The following PIK3C3 variants were observed in gnomAD, a reference collection of about 807,000 sequenced individuals.
PIK3C3 encodes the protein PI3-kinase type 3.
PIK3C3 carries 95 observed loss-of-function variants against 126.1 expected under a neutral mutation model. The ratio of observed to expected loss-of-function variants is 0.75; its 90% CI spans 0.64 to 0.89. The LOEUF (loss-of-function observed/expected upper bound fraction) is 0.89, where lower values mean the gene tolerates loss of function less well. Ranked by LOEUF, PIK3C3 falls within the 40% of genes least tolerant of loss-of-function variation. The pLI is 0.00. For missense variants in PIK3C3, 829 were observed against 1,063.2 expected (o/e 0.78, Z 3.06); for synonymous variants, 374 against 360.0 (o/e 1.04, Z -0.44).
intron 18 of PIK3C3, 116 bp from the exon 19 acceptor site, chr18:42,040,561 A>G: frequency 2.9e-6 from 2 of 687,862 alleles, no homozygotes; most frequent in South Asian, 2.1e-5. Flanking sequence ...GATCTTTTTA[A>G]GTTGTTCAGA....
intron 20 of PIK3C3, among the ~76,000 whole-genome samples, chr18:42,048,872 T>G (rs890807755): frequency 1.3e-5 from 2 of 152,152 alleles, no homozygotes; most frequent in Non-Finnish European, 2.9e-5. Context: ...ATAAACATAG[T>G]TAAAAAAACA....
chr18:41,981,777 T>G (rs1039083727), intron 4 of PIK3C3, among the ~76,000 whole-genome samples: 1 of 148,182 alleles, frequency 6.7e-6, no homozygotes, highest in African/African-American at 2.5e-5. Context: ...CTGGTCAACA[T>G]GGTGAAACCC....
intron 3 of PIK3C3, among the ~76,000 whole-genome samples, chr18:41,965,199 C>A (rs998295733): frequency 2.0e-5 from 3 of 152,210 alleles, no homozygotes; most frequent in Admixed American, 6.5e-5. Flanking sequence ...AGACATTCCT[C>A]TTGGTTTTTC....
At position 42,013,447 on chromosome 18, in the gene PIK3C3, G is replaced by A. The variant is rs745320401; in HGVS notation, c.1176G>A (p.Leu392=). Reference sequence around the variant, plus strand: ...TACTTTTTTTTGTTTTCCAGGATTTGTTGATGTACCTATTACAATTGGTCC... The same window carrying A: ...TACTTTTTTTTGTTTTCCAGGATTTATTGATGTACCTATTACAATTGGTCC... ...ARLRQADDED[L]LMYLLQLVQA... is the part of the protein sequence containing the mutation. Residue 392 remains leucine, a synonymous_variant, in exon 11 of 25, where the codon TTG becomes TTA. Transcript: ENST00000262039. 1 of 1,518,198 alleles carries A rather than the reference G, an allele frequency of 6.6e-7. No individual in the cohort carries two copies. The highest frequency in any genetic ancestry group is 8.8e-7 in the Non-Finnish European group (1 of 1,137,132). The allele number at this position is 1,518,198 out of a possible 1,614,324, so 94.0% of individuals were successfully genotyped here. A position where few individuals can be genotyped will look rare whatever the true frequency, so the allele number is the denominator to read the frequency against.
chr18:41,973,410 T>C (rs1264331696), intron 4 of PIK3C3, among the ~76,000 whole-genome samples: 1 of 152,100 alleles, frequency 6.6e-6, no homozygotes, highest in East Asian at 1.9e-4. Flanking sequence ...TTGATACTTG[T>C]ATGGTCTTAA....
chr18:41,956,521 TAAAG>T (rs1027602209), intron 1 of PIK3C3, among the ~76,000 whole-genome samples: 24 of 140,776 alleles, frequency 1.7e-4, no homozygotes, highest in East Asian at 6.3e-4. Context: ...ACATTAAAAA[TAAAG>T]AAAAAGCCAA....
intron 1 of PIK3C3, among the ~76,000 whole-genome samples, chr18:41,955,764 A>G (rs1401506402): frequency 6.6e-6 from 1 of 152,104 alleles, no homozygotes; most frequent in Non-Finnish European, 1.5e-5. Flanking sequence ...AATTATGGAG[A>G]GGTAGACACA....
chr18:42,054,588 G>C (rs1040009979), intron 21 of PIK3C3, among the ~76,000 whole-genome samples: 3 of 151,966 alleles, frequency 2.0e-5, no homozygotes, highest in Non-Finnish European at 4.4e-5. Context: ...CTTCTATCCT[G>C]ATTTTCTGTA....
chr18:41,973,994 C>T (rs1373683380), intron 4 of PIK3C3, among the ~76,000 whole-genome samples: 1 of 152,078 alleles, frequency 6.6e-6, no homozygotes, highest in Admixed American at 6.5e-5. Context: ...ATACATAAAT[C>T]TTAATAATAG....
chr18:41,999,221 T>C (rs1332779048), intron 9 of PIK3C3, among the ~76,000 whole-genome samples: 1 of 152,180 alleles, frequency 6.6e-6, no homozygotes, highest in African/African-American at 2.4e-5. Context: ...GTTTATAGCA[T>C]GTAGGAAGTG....
Position 42,013,510 on chromosome 18 carries a change from T to C in PIK3C3, c.1239T>C (p.Asn413=). ...LKYENFDDIK[N]GLEPTKKDSQ... Reference sequence around the variant, plus strand: ...ATGAAAATTTTGATGATATAAAGAATGGATTGGAACCTACCAAGAAGGATA... The same window carrying C: ...ATGAAAATTTTGATGATATAAAGAACGGATTGGAACCTACCAAGAAGGATA... Residue 413 remains asparagine, a synonymous_variant, in exon 11 of 25, where the codon AAT becomes AAC. Transcript: ENST00000262039. 1 of 1,593,540 alleles carries C rather than the reference T, an allele frequency of 6.3e-7. No individual in the cohort carries two copies. Among genetic ancestry groups the C allele is most frequent in the Non-Finnish European group, 8.6e-7 (1 of 1,166,446 alleles).
In PIK3C3 at chr18:41,995,952, C is replaced by T. The variant is rs373406855; in HGVS notation, c.849C>T (p.Asp283=). The change falls in exon 8 of 25, where the codon GAC becomes GAT. Residue 283 remains aspartate (D), a synonymous_variant. Coordinates refer to ENST00000262039, the MANE Select transcript of PIK3C3 (RefSeq NM_002647.4). ...LARSLRSGPS[D]HDLKPNAATR... ...GGAGTTTAAGAAGTGGACCTTCTGA[C>T]CACGATCTGAAACCCAATGCTGCCA... The T allele has an allele frequency of 1.6e-5, 26 of 1,612,772 alleles. No individual in the cohort carries two copies. The highest frequency in any genetic ancestry group is 2.1e-5 in the Non-Finnish European group (25 of 1,179,012).
intron 9 of PIK3C3, among the ~76,000 whole-genome samples, chr18:42,003,415 A>G (rs748458335): frequency 6.6e-6 from 1 of 152,122 alleles, no homozygotes; most frequent in Non-Finnish European, 1.5e-5. Context: ...ATTGCTTTTT[A>G]TGGAAAGCAA....
intron 16 of PIK3C3, among the ~76,000 whole-genome samples, chr18:42,034,578 T>C (rs1222235743): frequency 6.6e-6 from 1 of 152,230 alleles, no homozygotes; most frequent in Non-Finnish European, 1.5e-5. Context: ...CAATTCTCTT[T>C]AGTCCTTAGT....
In PIK3C3 at chr18:42,029,330, T is replaced by C; in HGVS notation, c.1596T>C (p.Asp532=). 1 of 1,611,216 alleles carries C rather than the reference T, an allele frequency of 6.2e-7. No individual in the cohort carries two copies. Among genetic ancestry groups the C allele is most frequent in the South Asian group, 1.1e-5 (1 of 91,024 alleles). ...TCTCACTTTGAACCCTTCAGGGTGA[T>C]AAGTCTGTCAGAGTTATGCGTTCTT... is the stretch of plus-strand genomic sequence containing the variant. ...RRFSQALLKG[D]KSVRVMRSLL... The change falls in exon 15 of 25, where the codon GAT becomes GAC. Residue 532 remains aspartate (D), a synonymous_variant. Transcript: ENST00000262039.
At chr18:42,056,717 A>G (rs975755140) in intron 21 of PIK3C3, among the ~76,000 whole-genome samples, 9 of 152,146 alleles carry the variant, frequency 5.9e-5, no homozygotes, top group African/African-American at 2.2e-4. Context: ...AACAGAGAAC[A>G]CATATTTAGT....
intron 6 of PIK3C3, among the ~76,000 whole-genome samples, chr18:41,991,537 A>G (rs1001521985): frequency 6.6e-6 from 1 of 152,262 alleles, no homozygotes; most frequent in African/African-American, 2.4e-5. Flanking sequence ...TATGCAGTGT[A>G]TTTGTTCATT....
rs1308908622 is a variant in PIK3C3, at chr18:42,033,977, A to G, written c.1839+20A>G. 3.9e-6 allele frequency: 6 copies of G among 1,549,464 alleles called. No individual in the cohort carries two copies. Among genetic ancestry groups the G allele is most frequent in the Non-Finnish European group, 5.2e-6 (6 of 1,143,568 alleles). On this transcript the variant is annotated intron_variant, in intron 16 of 24. Coordinates refer to ENST00000262039, the MANE Select transcript of PIK3C3 (RefSeq NM_002647.4). ...TTTAAAGTAATTGTGATGGATATTT[A>G]ATGTGTATGATTGGAACCTAATTCT...
chr18:41,969,660 A>T (rs1980555235), intron 3 of PIK3C3, among the ~76,000 whole-genome samples: 1 of 152,228 alleles, frequency 6.6e-6, no homozygotes, highest in African/African-American at 2.4e-5. Context: ...GGAGAAATCA[A>T]TTTGTACAGC....
Sources: allele counts gnomAD v4.1 joint callset (sites outside exome capture counted in the v4.1 genomes callset), GRCh38; gene constraint gnomAD v4.1.1; transcripts MANE v1.5; gene names NCBI Gene and HGNC (gene_info 2026-07-23, HGNC 2026-07-21).